Variants in LRRC7 observed in about 807,000 individuals in gnomAD.
The protein encoded by LRRC7 is leucine rich repeat containing 7, also known as leucine-rich repeat-containing protein 7.
LRRC7 carries 23 observed loss-of-function variants against 175.7 expected under a neutral mutation model. That is an observed-to-expected ratio of 0.13 (90% CI 0.09 to 0.19). LRRC7 has a LOEUF of 0.19. LRRC7 is among the 10% of genes least tolerant of loss of function. The pLI, the probability that LRRC7 is intolerant of heterozygous loss-of-function variation, is 1.00. For synonymous variants in LRRC7, 685 were observed against 680.9 expected (o/e 1.01, Z -0.09); for missense variants, 1,354 against 1,904.7 (o/e 0.71, Z 5.38).
At chr1:70,035,897 C>T (rs1019605801) in intron 18 of LRRC7, among the ~76,000 whole-genome samples, 1 of 151,836 alleles carries the variant, frequency 6.6e-6, no homozygotes, top group African/African-American at 2.4e-5. Flanking sequence ...GGCATATAAA[C>T]AACATGCAAG....
At position 69,683,402 on chromosome 1, in the gene LRRC7, A is replaced by G. The variant is rs145158352; in HGVS notation, c.100+4924A>G. Among the ~76,000 whole-genome samples, 1,159 of 152,252 alleles carry G rather than the reference A, an allele frequency of 7.6e-3. 6 individuals carry two copies. Among genetic ancestry groups the G allele is most frequent in the African/African-American group, 0.026 (1,100 of 41,550 alleles). Reference sequence around the variant, plus strand: ...TCTTAAAATAACCCTATGGTTTTCCATTGCTCATTCAAGAAAGACAATAGC... The same window carrying G: ...TCTTAAAATAACCCTATGGTTTTCCGTTGCTCATTCAAGAAAGACAATAGC... On this transcript the variant is annotated intron_variant, in intron 2 of 26. Coordinates refer to ENST00000651989, the MANE Select transcript of LRRC7 (RefSeq NM_001370785.2).
intron 1 of LRRC7, among the ~76,000 whole-genome samples, chr1:69,621,036 CT>C (rs112924262): frequency 0.13 from 19,450 of 148,896 alleles, 1,589 homozygotes; most frequent in South Asian, 0.19. Context: ...TTTCTTTCTT[CT>C]TTTTTTTTTC....
intron 8 of LRRC7, among the ~76,000 whole-genome samples, chr1:69,950,867 G>T (rs1319258597): frequency 6.6e-6 from 1 of 152,000 alleles, no homozygotes; most frequent in African/African-American, 2.4e-5. Context: ...TGGATGCTTT[G>T]GGCATAATGT....
rs533170516 is a variant in LRRC7, at chr1:70,126,815, A to T, written c.*4928A>T. Among the ~76,000 whole-genome samples the T allele has an allele frequency of 6.6e-6, 1 of 152,314 alleles. No individual in the cohort carries two copies. The highest frequency in any genetic ancestry group is 1.9e-4 in the East Asian group (1 of 5,184). ...TAAGGTAGATGCAATCAAGTTTTCCAGTCATATCCTGAACCTTCTGGGGGC... is the reference window on the plus strand; with the variant it reads ...TAAGGTAGATGCAATCAAGTTTTCCTGTCATATCCTGAACCTTCTGGGGGC... On this transcript the variant is annotated 3_prime_UTR_variant, in exon 27 of 27. Coordinates refer to ENST00000651989, the MANE Select transcript of LRRC7 (RefSeq NM_001370785.2).
chr1:69,754,217 A>G lies in LRRC7; in HGVS notation c.101-5974A>G, dbSNP rs149653939. Among the ~76,000 whole-genome samples the G allele has an allele frequency of 5.3e-3, 813 of 152,190 alleles. 3 individuals are homozygous for G. Among genetic ancestry groups the G allele is most frequent in the Non-Finnish European group, 8.3e-3 (563 of 67,998 alleles). ...AGTATTTGCAGCAAGAGAGTGACAT[A>G]ATCATATTTGTGTTTTCAATAGGTC... On this transcript the variant is annotated intron_variant, in intron 2 of 26. Transcript: ENST00000651989.
intron 7 of LRRC7, among the ~76,000 whole-genome samples, chr1:69,861,221 C>T (rs1023379978): frequency 6.6e-5 from 10 of 152,122 alleles, no homozygotes; most frequent in African/African-American, 2.4e-4. Flanking sequence ...ACTTCAATTG[C>T]TATTGGCAAT....
At chr1:69,664,088 C>T (rs2100545201) in intron 1 of LRRC7, among the ~76,000 whole-genome samples, 1 of 152,328 alleles carries the variant, frequency 6.6e-6, no homozygotes, top group African/African-American at 2.4e-5. Context: ...TTTCACTTAA[C>T]ATAATGACTA....
intron 1 of LRRC7, among the ~76,000 whole-genome samples, chr1:69,635,579 C>T (rs1262047280): frequency 6.6e-6 from 1 of 151,900 alleles, no homozygotes; most frequent in Non-Finnish European, 1.5e-5. Context: ...ATCTAAAATG[C>T]TTTTGTAATA....
At chr1:69,667,381 T>G (rs1448645981) in intron 1 of LRRC7, among the ~76,000 whole-genome samples, 1 of 152,200 alleles carries the variant, frequency 6.6e-6, no homozygotes, top group East Asian at 1.9e-4. Flanking sequence ...CTGGAAGATC[T>G]GTCTAATGCT....
chr1:69,635,135 C>A (rs1446779142), intron 1 of LRRC7, among the ~76,000 whole-genome samples: 1 of 151,948 alleles, frequency 6.6e-6, no homozygotes, highest in African/African-American at 2.4e-5. Context: ...TGTCCTTGTG[C>A]TCTCATCATT....
At chr1:69,603,685 C>G (rs1647172938) in intron 1 of LRRC7, among the ~76,000 whole-genome samples, 1 of 151,996 alleles carries the variant, frequency 6.6e-6, no homozygotes, top group African/African-American at 2.4e-5. Flanking sequence ...TTAATTATTG[C>G]TTTTTAGGTC....
intron 7 of LRRC7, among the ~76,000 whole-genome samples, chr1:69,916,361 C>T (rs1014707884): frequency 1.3e-4 from 18 of 143,478 alleles, no homozygotes; most frequent in Non-Finnish European, 2.7e-4. Context: ...TAAAAACTAC[C>T]TAAACATCTC....
chr1:69,778,428 C>T (rs1274471294), intron 3 of LRRC7, among the ~76,000 whole-genome samples: 1 of 152,110 alleles, frequency 6.6e-6, no homozygotes, highest in Non-Finnish European at 1.5e-5. Context: ...GCTAGCTTTT[C>T]ACTAAATATT....
At chr1:69,625,754 G>A (rs1366333007) in intron 1 of LRRC7, among the ~76,000 whole-genome samples, 1 of 151,994 alleles carries the variant, frequency 6.6e-6, no homozygotes, top group Non-Finnish European at 1.5e-5. Flanking sequence ...GTTCTTCTTT[G>A]ATCCGGGGGC....
At chr1:70,079,841 T>C (rs1663079209) in intron 24 of LRRC7, among the ~76,000 whole-genome samples, 1 of 152,230 alleles carries the variant, frequency 6.6e-6, no homozygotes, top group African/African-American at 2.4e-5. Flanking sequence ...TTTTTCATTT[T>C]GCATCAGGCC....
chr1:69,824,450 C>T (rs1341845181), intron 4 of LRRC7, among the ~76,000 whole-genome samples: 1 of 151,982 alleles, frequency 6.6e-6, no homozygotes, highest in African/African-American at 2.4e-5. Flanking sequence ...CAATGGAGCT[C>T]CCAAACTTTT....
At chr1:69,907,472 G>T (rs962837896) in intron 7 of LRRC7, among the ~76,000 whole-genome samples, 11 of 150,694 alleles carry the variant, frequency 7.3e-5, no homozygotes, top group Non-Finnish European at 1.0e-4. Context: ...TAGCATGAAG[G>T]GTTGTTGAAT....
intron 7 of LRRC7, among the ~76,000 whole-genome samples, chr1:69,902,305 C>G (rs985898669): frequency 2.6e-5 from 4 of 152,162 alleles, no homozygotes; most frequent in Non-Finnish European, 5.9e-5. Flanking sequence ...TGTGGTGGCT[C>G]ACACCTGTAA....
At chr1:70,027,058 T>C (rs542638637) in intron 17 of LRRC7, among the ~76,000 whole-genome samples, 2 of 152,088 alleles carry the variant, frequency 1.3e-5, no homozygotes, top group Admixed American at 6.6e-5. Context: ...TTTTCCGATC[T>C]TCCTCTTCCT....
Sources: gnomAD v4.1 joint callset for allele counts (sites outside exome capture counted in the v4.1 genomes callset) on GRCh38, gnomAD v4.1.1 for gene constraint, MANE v1.5 for transcripts, NCBI Gene and HGNC (gene_info 2026-07-23, HGNC 2026-07-21) for gene names.